Variants in GALNTL6 observed in about 807,000 individuals in gnomAD.
GALNTL6 encodes polypeptide N-acetylgalactosaminyltransferase-like 6.
Under a neutral mutation model 73.7 loss-of-function variants are expected in GALNTL6, and 46 were observed. The observed-to-expected ratio is 0.62, with a 90% CI of 0.49 to 0.80. GALNTL6 has a LOEUF of 0.80. Ranked by LOEUF, GALNTL6 falls within the 30% of genes least tolerant of loss-of-function variation. The pLI is 0.00. For synonymous variants in GALNTL6, 259 were observed against 263.7 expected (o/e 0.98, Z 0.17); for missense variants, 604 against 755.0 (o/e 0.80, Z 2.34).
chr4:172,332,607 T>C (rs1219554348), intron 4 of GALNTL6, among the ~76,000 whole-genome samples: 7 of 152,152 alleles, frequency 4.6e-5, no homozygotes, highest in Non-Finnish European at 1.0e-4. Context: ...CCTTCAGTTT[T>C]ATCTGTGTTG....
chr4:172,205,006 G>A (rs908540478), intron 2 of GALNTL6, among the ~76,000 whole-genome samples: 1 of 152,016 alleles, frequency 6.6e-6, no homozygotes, highest in Non-Finnish European at 1.5e-5. Flanking sequence ...TAAATAAAAT[G>A]TTAATTTTCA....
chr4:172,434,233 T>C (rs1469621807), intron 5 of GALNTL6, among the ~76,000 whole-genome samples: 1 of 152,122 alleles, frequency 6.6e-6, no homozygotes, highest in Non-Finnish European at 1.5e-5. Context: ...GTATAACTTG[T>C]CTTGTTATAC....
intron 2 of GALNTL6, among the ~76,000 whole-genome samples, chr4:172,218,769 A>G (rs1736576868): frequency 6.6e-6 from 1 of 151,998 alleles, no homozygotes; most frequent in African/African-American, 2.4e-5. Flanking sequence ...TTTCTAGAGT[A>G]GTTATATTAA....
At chr4:172,587,926 A>G (rs1737479575) in intron 5 of GALNTL6, among the ~76,000 whole-genome samples, 1 of 152,078 alleles carries the variant, frequency 6.6e-6, no homozygotes, top group Non-Finnish European at 1.5e-5. Flanking sequence ...TAATTATCCA[A>G]TTTTCTATTT....
At chr4:172,367,256 C>T (rs943759583) in intron 5 of GALNTL6, among the ~76,000 whole-genome samples, 1 of 152,090 alleles carries the variant, frequency 6.6e-6, no homozygotes, top group African/African-American at 2.4e-5. Flanking sequence ...TTACTTTCTT[C>T]CCATGTTGGT....
intron 5 of GALNTL6, among the ~76,000 whole-genome samples, chr4:172,605,519 C>G (rs1738219609): frequency 6.6e-6 from 1 of 151,996 alleles, no homozygotes; most frequent in Non-Finnish European, 1.5e-5. Flanking sequence ...TATAGGAAAT[C>G]TGAACAGTTT....
At chr4:172,368,416 T>A (rs1742651284) in intron 5 of GALNTL6, among the ~76,000 whole-genome samples, 1 of 151,972 alleles carries the variant, frequency 6.6e-6, no homozygotes, top group Non-Finnish European at 1.5e-5. Flanking sequence ...AACAAAATAA[T>A]AGTAGAATGT....
chr4:171,817,941 T>A (rs1734564726), intron 2 of GALNTL6, among the ~76,000 whole-genome samples: 1 of 151,638 alleles, frequency 6.6e-6, no homozygotes, highest in African/African-American at 2.4e-5. Flanking sequence ...ATTATTATAA[T>A]TGTGATGTGT....
chr4:172,393,499 G>A (rs560343660), intron 5 of GALNTL6, among the ~76,000 whole-genome samples: 47 of 152,200 alleles, frequency 3.1e-4, no homozygotes, highest in African/African-American at 1.1e-3. Context: ...TCATTTTCAG[G>A]AAACATCACA....
chr4:172,664,581 T>G (rs1047848223), intron 5 of GALNTL6, among the ~76,000 whole-genome samples: 1 of 152,216 alleles, frequency 6.6e-6, no homozygotes, highest in Admixed American at 6.5e-5. Flanking sequence ...ACGCCTTTAC[T>G]AGGTCATGGA....
At chr4:172,006,956 T>C (rs1056722784) in intron 2 of GALNTL6, among the ~76,000 whole-genome samples, 2 of 152,174 alleles carry the variant, frequency 1.3e-5, no homozygotes, top group African/African-American at 2.4e-5. Flanking sequence ...TAAATATCTA[T>C]AAAATAGTCA....
chr4:172,954,353 G>A (rs1233420610), intron 10 of GALNTL6, among the ~76,000 whole-genome samples: 1 of 152,214 alleles, frequency 6.6e-6, no homozygotes, highest in African/African-American at 2.4e-5. Context: ...GGCGATGCCA[G>A]TGTGTTTATA....
chr4:172,014,514 T>C (rs1741124350), intron 2 of GALNTL6, among the ~76,000 whole-genome samples: 1 of 152,084 alleles, frequency 6.6e-6, no homozygotes, highest in Non-Finnish European at 1.5e-5. Flanking sequence ...GCCATTTGTG[T>C]TTCTCTTTTT....
chr4:171,823,070 T>C (rs1395350559), intron 2 of GALNTL6, among the ~76,000 whole-genome samples: 4 of 152,186 alleles, frequency 2.6e-5, no homozygotes, highest in Non-Finnish European at 5.9e-5. Context: ...TAATTGGCAA[T>C]GTTAACAGCC....
intron 9 of GALNTL6, among the ~76,000 whole-genome samples, chr4:172,939,190 A>C (rs1176366756): frequency 6.6e-6 from 1 of 151,988 alleles, no homozygotes; most frequent in Non-Finnish European, 1.5e-5. Flanking sequence ...CAGCTACTTG[A>C]GAGGCTGAGA....
At chr4:172,126,329 CTT>C (rs1447833520) in intron 2 of GALNTL6, among the ~76,000 whole-genome samples, 8 of 152,124 alleles carry the variant, frequency 5.3e-5, no homozygotes, top group African/African-American at 1.7e-4. Context: ...TAACTTTAGA[CTT>C]TCAAACTTCA....
intron 2 of GALNTL6, among the ~76,000 whole-genome samples, chr4:171,948,983 A>T (rs1738785797): frequency 6.6e-6 from 1 of 152,034 alleles, no homozygotes; most frequent in African/African-American, 2.4e-5. Context: ...ACACACACAC[A>T]CACAGACATA....
At chr4:172,204,113 TG>T (rs1736034805) in intron 2 of GALNTL6, among the ~76,000 whole-genome samples, 1 of 152,216 alleles carries the variant, frequency 6.6e-6, no homozygotes, top group African/African-American at 2.4e-5. Context: ...TTAAAAATTA[TG>T]TGAGACCTTA....
chr4:172,752,407 C>T (rs1268549110), intron 5 of GALNTL6, among the ~76,000 whole-genome samples: 1 of 152,040 alleles, frequency 6.6e-6, no homozygotes, highest in African/African-American at 2.4e-5. Context: ...AAGCAATATA[C>T]ATCCAATTTT....
Sources: gnomAD v4.1 joint callset for allele counts (sites outside exome capture counted in the v4.1 genomes callset) on GRCh38, gnomAD v4.1.1 for gene constraint, MANE v1.5 for transcripts, NCBI Gene and HGNC (gene_info 2026-07-23, HGNC 2026-07-21) for gene names.